Variants in GRAMD4 observed in about 807,000 individuals in gnomAD.
GRAMD4 encodes the protein GRAM domain-containing protein 4.
In GRAMD4, 25 loss-of-function variants were observed where a neutral mutation model predicts 83.9. The ratio of observed to expected loss-of-function variants is 0.30; its 90% CI spans 0.22 to 0.42. GRAMD4 has a LOEUF of 0.42. Ranked by LOEUF, GRAMD4 falls within the 10% of genes least tolerant of loss-of-function variation. The pLI is 1.00. For synonymous variants in GRAMD4, 336 were observed against 320.9 expected (o/e 1.05, Z -0.50); for missense variants, 593 against 788.7 (o/e 0.75, Z 2.97).
intron 2 of GRAMD4, 23 bp downstream of exon 2, chr22:46,626,984 CG>C (rs1569270499): frequency 1.3e-6 from 2 of 1,568,422 alleles, no homozygotes; most frequent in Non-Finnish European, 1.8e-6. Flanking sequence ...CCTCGTCCCC[CG>C]GTGTGGGCTG....
intron 1 of GRAMD4, among the ~76,000 whole-genome samples, chr22:46,590,241 T>C (rs1602300151): frequency 1.3e-5 from 2 of 152,226 alleles, no homozygotes; most frequent in East Asian, 3.9e-4. Flanking sequence ...AGTCTGACTG[T>C]GACAGCTCTG....
intron 14 of GRAMD4, 43 bp from the exon 15 acceptor site, chr22:46,673,627 C>A (rs779635362): frequency 1.3e-6 from 2 of 1,593,676 alleles, no homozygotes; most frequent in South Asian, 2.2e-5. Flanking sequence ...GTGCTGCAGG[C>A]GTGGGCAGCG....
chr22:46,595,443 G>T (rs2081252442), intron 1 of GRAMD4, among the ~76,000 whole-genome samples: 1 of 152,246 alleles, frequency 6.6e-6, no homozygotes, highest in South Asian at 2.1e-4. Context: ...CCATGGGCCT[G>T]GCCCTGTGTC....
intron 3 of GRAMD4, among the ~76,000 whole-genome samples, chr22:46,652,285 G>A (rs570001044): frequency 3.2e-4 from 48 of 152,248 alleles, no homozygotes; most frequent in African/African-American, 1.1e-3. Flanking sequence ...TCACAGTGAC[G>A]TCATTGCTCC....
At position 46,610,286 on chromosome 22, in the gene GRAMD4, C is replaced by T. The variant is rs532692751; in HGVS notation, c.-49-16465C>T. ...TCCCTCTGGTCTGCCCTGTCCCTGG[C>T]GTGGGTTAGTGGGGACATGGGCTTC... On this transcript the variant is annotated intron_variant, in intron 1 of 1. Coordinates refer to the GRAMD4 transcript ENST00000431155. 1.2e-4 allele frequency among the ~76,000 whole-genome samples: 19 copies of T among 152,330 alleles called. No individual in the cohort carries two copies. In the South Asian group the frequency reaches 1.9e-3, roughly 15 times the overall value.
rs551546292 is a variant in GRAMD4, at chr22:46,622,781, G to A, written c.-50+2216G>A. Among the ~76,000 whole-genome samples, 87 of 152,078 alleles carry A rather than the reference G, an allele frequency of 5.7e-4. No homozygotes were observed. Among genetic ancestry groups the A allele is most frequent in the African/African-American group, 1.9e-3 (77 of 41,474 alleles). On this transcript the variant is annotated intron_variant, in intron 1 of 18. Transcript: ENST00000406902. The surrounding 1 kb of genome is among the most constrained non-coding windows in gnomAD (Gnocchi z 4.0). ...ACAAAAAATTAGCTGGTGTGGTGGC[G>A]GGTGCCTGTAGTCCCAGCTACTCGG... is the stretch of plus-strand genomic sequence containing the variant.
Position 46,672,911 on chromosome 22 carries a change from A to G in GRAMD4, c.1153A>G (p.Lys385Glu), listed in dbSNP as rs2082532662. 6.2e-7 allele frequency: 1 copy of G among 1,612,202 alleles called. No individual in the cohort carries two copies. The highest frequency in any genetic ancestry group is 1.7e-5 in the Admixed American group (1 of 59,996). ...IFKRCPRLRA[K>E]YDTPYIIWRS... ...TAAACGCTGCCCGAGGCTGCGCGCCAAGTACGACACGCCCTATATCATCTG... is the reference window on the plus strand; with the variant it reads ...TAAACGCTGCCCGAGGCTGCGCGCCGAGTACGACACGCCCTATATCATCTG... Residue 385 changes from lysine (K) to glutamate (E), a missense_variant, in exon 14 of 19, where the codon AAG becomes GAG. Coordinates refer to ENST00000406902, the MANE Select transcript of GRAMD4 (RefSeq NM_015124.5). The surrounding 1 kb of genome is among the most constrained non-coding windows in gnomAD (Gnocchi z 4.7).
upstream of GRAMD4, among the ~76,000 whole-genome samples, chr22:46,617,628 C>T (rs1211448335): frequency 2.0e-5 from 3 of 152,150 alleles, no homozygotes; most frequent in South Asian, 2.1e-4. Flanking sequence ...GAGGAAGAAG[C>T]GGAGACTCAC....
chr22:46,615,823 GGTTCCCCCATGTGTAA>G (rs2081479709), upstream of GRAMD4, among the ~76,000 whole-genome samples: 1 of 98,784 alleles, frequency 1.0e-5, no homozygotes, highest in Non-Finnish European at 1.9e-5. Context: ...TGTGCGTGTG[GGTTCCCCCATGTGTAA>G]GTTCCCCCGT....
Position 46,677,319 on chromosome 22 carries a change from A to G in GRAMD4, c.*68A>G. 1.4e-6 allele frequency: 2 copies of G among 1,475,520 alleles called. No individual in the cohort carries two copies. The highest frequency in any genetic ancestry group is 1.8e-6 in the Non-Finnish European group (2 of 1,114,472). The allele number at this position is 1,475,520 out of a possible 1,614,324, so 91.4% of individuals were successfully genotyped here. On this transcript the variant is annotated 3_prime_UTR_variant, in exon 19 of 19. Coordinates refer to ENST00000406902, the MANE Select transcript of GRAMD4 (RefSeq NM_015124.5). ...TTCTTTTTCTTTTTTTTTTTTTACG[A>G]TTTGGTAGTGGAAACAATTGGACAT...
upstream of GRAMD4, among the ~76,000 whole-genome samples, chr22:46,617,417 T>G (rs2081518436): frequency 6.8e-6 from 1 of 147,796 alleles, no homozygotes; most frequent in South Asian, 2.1e-4. Flanking sequence ...GGTTCCCCTG[T>G]GTGTAGGTTC....
At chr22:46,587,198 G>A (rs1051081718) in intron 1 of GRAMD4, among the ~76,000 whole-genome samples, 2 of 152,210 alleles carry the variant, frequency 1.3e-5, no homozygotes, top group Non-Finnish European at 2.9e-5. Flanking sequence ...CCTGTGATCT[G>A]TGGAGCGTGT....
At chr22:46,643,858 TC>T (rs2082026427) in intron 3 of GRAMD4, among the ~76,000 whole-genome samples, 1 of 152,204 alleles carries the variant, frequency 6.6e-6, no homozygotes, top group South Asian at 2.1e-4. Context: ...TGTAGAGAAT[TC>T]TTTTTTTAAG....
chr22:46,602,824 C>A (rs578067444), intron 1 of GRAMD4, among the ~76,000 whole-genome samples: 1 of 134,104 alleles, frequency 7.5e-6, no homozygotes, highest in Admixed American at 8.5e-5. Context: ...CTCACTGCAA[C>A]CTCTGCCTCT....
intron 1 of GRAMD4, among the ~76,000 whole-genome samples, chr22:46,580,200 A>C (rs1486273906): frequency 6.6e-6 from 1 of 152,250 alleles, no homozygotes. Context: ...AGTAACAGGC[A>C]GAAGGCAGAG....
intron 6 of GRAMD4, 110 bp from the exon 7 acceptor site, chr22:46,663,728 G>A (rs1009211301): frequency 9.4e-6 from 10 of 1,058,734 alleles, no homozygotes; most frequent in African/African-American, 9.3e-5. Context: ...GTCCCAGGCT[G>A]TTGAGACGTC....
At chr22:46,588,917 A>G (rs1185818691) in intron 1 of GRAMD4, among the ~76,000 whole-genome samples, 1 of 151,490 alleles carries the variant, frequency 6.6e-6, no homozygotes, top group Non-Finnish European at 1.5e-5. Context: ...GCGTCTCCCC[A>G]CCCCCTCCCA....
Position 46,648,935 on chromosome 22 carries a change from C to CATGGATGGATGGATGGATGG in GRAMD4, c.284-9221_284-9202dup, listed in dbSNP as rs57053112. ...GGATGGATGGATGGATGGATGGATG[C>CATGGATGGATGGATGGATGG]ATGGATGGATGGATGGATGGATGGA... is the stretch of plus-strand genomic sequence containing the variant. On this transcript the variant is annotated intron_variant, in intron 3 of 18. Transcript: ENST00000406902. Among the ~76,000 whole-genome samples the CATGGATGGATGGATGGATGG allele has an allele frequency of 2.6e-4, 12 of 45,492 alleles. 1 individual carries two copies. Among genetic ancestry groups the CATGGATGGATGGATGGATGG allele is most frequent in the Non-Finnish European group, 3.5e-4 (8 of 22,908 alleles). The allele number at this position is 45,492 out of a possible 152,430, so 29.8% of individuals were successfully genotyped here. A position where few individuals can be genotyped will look rare whatever the true frequency, so the allele number is the denominator to read the frequency against.
At chr22:46,597,050 C>T (rs1404691123) in intron 1 of GRAMD4, among the ~76,000 whole-genome samples, 2 of 152,154 alleles carry the variant, frequency 1.3e-5, no homozygotes, top group Non-Finnish European at 2.9e-5. Flanking sequence ...GGTCTCCACG[C>T]CTGCTTTCGA....
Sources: allele counts gnomAD v4.1 joint callset (sites outside exome capture counted in the v4.1 genomes callset), GRCh38; gene constraint gnomAD v4.1.1; non-coding constraint Gnocchi (gnomAD v3.1); transcripts MANE v1.5; gene names NCBI Gene and HGNC (gene_info 2026-07-23, HGNC 2026-07-21).